The following LINGO2 variants were observed in gnomAD, a reference collection of about 807,000 sequenced individuals.
LINGO2 encodes leucine-rich repeat and immunoglobulin-like domain-containing nogo receptor-interacting protein 2.
A neutral mutation model predicts 30.6 loss-of-function variants in LINGO2; 14 were observed. The observed-to-expected ratio is 0.46, with a 90% CI of 0.30 to 0.72. The LOEUF (loss-of-function observed/expected upper bound fraction) is 0.72, where lower values mean the gene tolerates loss of function less well. LINGO2 is among the 30% of genes least tolerant of loss of function. The pLI, the probability that LINGO2 is intolerant of heterozygous loss-of-function variation, is 0.07. For missense variants in LINGO2, 729 were observed against 751.7 expected (o/e 0.97, Z 0.35); for synonymous variants, 317 against 288.5 (o/e 1.10, Z -1.00).
chr9:28,020,330 A>C (rs1587704268), intron 4 of LINGO2, among the ~76,000 whole-genome samples: 1 of 152,132 alleles, frequency 6.6e-6, no homozygotes, highest in Admixed American at 6.6e-5. Context: ...GGAGTTTGTG[A>C]CCAGCCTAAC....
At position 28,300,651 on chromosome 9, in the gene LINGO2, T is replaced by C. The variant is rs140014647; in HGVS notation, c.-245-5285A>G. Reference sequence around the variant, plus strand: ...CTTCTTTCTACCTTTTCTTCCTTCCTCCATTGTCTTTTTTCTTCCTCCCTT... The same window carrying C: ...CTTCTTTCTACCTTTTCTTCCTTCCCCCATTGTCTTTTTTCTTCCTCCCTT... On this transcript the variant is annotated intron_variant, in intron 3 of 5. Transcript: ENST00000379992. Among the ~76,000 whole-genome samples the C allele has an allele frequency of 1.3e-3, 198 of 152,242 alleles. 3 individuals are homozygous for C. In the East Asian group the frequency reaches 0.024, roughly 19 times the overall value.
At chr9:28,839,107 T>G in the LINGO2 span, among the ~76,000 whole-genome samples, 2 of 152,314 alleles carry the variant, frequency 1.3e-5, no homozygotes, top group East Asian at 1.9e-4. Context: ...CTCAAGGAGC[T>G]TCTAGCTCTG....
At chr9:28,836,442 G>A in the LINGO2 span, among the ~76,000 whole-genome samples, 11 of 152,036 alleles carry the variant, frequency 7.2e-5, no homozygotes, top group Admixed American at 6.6e-4. Context: ...AGCCTCCCAA[G>A]TAGCTAGGAT....
the LINGO2 span, among the ~76,000 whole-genome samples, chr9:29,172,931 A>C: frequency 6.6e-6 from 1 of 151,788 alleles, no homozygotes; most frequent in Non-Finnish European, 1.5e-5. Context: ...CACACACACA[A>C]CACTGTATCA....
chr9:28,370,677 G>C (rs771697586), intron 3 of LINGO2, among the ~76,000 whole-genome samples: 5 of 152,108 alleles, frequency 3.3e-5, no homozygotes, highest in Non-Finnish European at 1.5e-5. Context: ...CAACAGATTG[G>C]TATGAAATGT....
rs186988601 is a variant in LINGO2, at chr9:28,126,065, A to G, written c.-86-113660T>C. 9.2e-5 allele frequency among the ~76,000 whole-genome samples: 14 copies of G among 152,306 alleles called. No individual in the cohort carries two copies. In the East Asian group the frequency reaches 2.5e-3, roughly 27 times the overall value. Reference sequence around the variant, plus strand: ...TACTAAGCAGCTCTGTCATGTTAAAAAGAAAATTTTTGATAAAAGGCCATA... The same window carrying G: ...TACTAAGCAGCTCTGTCATGTTAAAGAGAAAATTTTTGATAAAAGGCCATA... On this transcript the variant is annotated intron_variant, in intron 4 of 5. Coordinates refer to ENST00000379992, the Ensembl canonical transcript of LINGO2.
intron 4 of LINGO2, among the ~76,000 whole-genome samples, chr9:28,281,165 ATG>A (rs1823309640): frequency 6.6e-6 from 1 of 152,128 alleles, no homozygotes; most frequent in Non-Finnish European, 1.5e-5. Flanking sequence ...ACAGGGTGAA[ATG>A]TGTAGACCCC....
the LINGO2 span, among the ~76,000 whole-genome samples, chr9:29,002,072 TTA>T: frequency 6.6e-6 from 1 of 152,024 alleles, no homozygotes; most frequent in African/African-American, 2.4e-5. Flanking sequence ...GCTGCTTGAA[TTA>T]TGTTATTTTT....
intron 2 of LINGO2, among the ~76,000 whole-genome samples, chr9:28,383,885 A>G (rs530616439): frequency 2.0e-5 from 3 of 152,074 alleles, no homozygotes; most frequent in Non-Finnish European, 4.4e-5. Context: ...TGCAGTGCTT[A>G]GGTTTGCATA....
chr9:27,985,937 C>T (rs1821103702), intron 5 of LINGO2, among the ~76,000 whole-genome samples: 1 of 151,852 alleles, frequency 6.6e-6, no homozygotes, highest in African/African-American at 2.4e-5. Flanking sequence ...TTTTCAATTT[C>T]CTCTCCAACC....
intron 4 of LINGO2, among the ~76,000 whole-genome samples, chr9:28,047,923 T>G (rs1284611103): frequency 1.3e-5 from 2 of 150,800 alleles, no homozygotes; most frequent in South Asian, 4.3e-4. Flanking sequence ...TAGTGCAACT[T>G]CAAAGTAGCA....
intron 4 of LINGO2, among the ~76,000 whole-genome samples, chr9:28,101,341 T>C (rs557413753): frequency 6.6e-6 from 1 of 152,248 alleles, no homozygotes; most frequent in South Asian, 2.1e-4. Flanking sequence ...CTATGTATTT[T>C]TACTAACAGA....
intron 3 of LINGO2, among the ~76,000 whole-genome samples, chr9:28,354,472 T>G (rs576341087): frequency 6.6e-6 from 1 of 152,344 alleles, no homozygotes; most frequent in Non-Finnish European, 1.5e-5. Context: ...TAGAACTTCA[T>G]AATTTTTTAT....
chr9:28,240,276 A>T (rs958515661), intron 4 of LINGO2, among the ~76,000 whole-genome samples: 1 of 152,174 alleles, frequency 6.6e-6, no homozygotes, highest in Non-Finnish European at 1.5e-5. Context: ...TAGAAAAAAC[A>T]ATCCTAAAAT....
At chr9:29,132,798 T>G in the LINGO2 span, among the ~76,000 whole-genome samples, 7 of 152,290 alleles carry the variant, frequency 4.6e-5, no homozygotes, top group East Asian at 1.4e-3. Flanking sequence ...GAACCACCAT[T>G]AGCCTAATGC....
intron 5 of LINGO2, among the ~76,000 whole-genome samples, chr9:27,976,798 T>A (rs931617970): frequency 1.3e-5 from 2 of 152,192 alleles, no homozygotes. Context: ...AAATGTTACA[T>A]CCTTCATATT....
chr9:28,694,449 G>A, the LINGO2 span, among the ~76,000 whole-genome samples: 1 of 151,878 alleles, frequency 6.6e-6, no homozygotes, highest in Non-Finnish European at 1.5e-5. Flanking sequence ...TATACTCACT[G>A]CTGTAGCTCA....
At chr9:28,367,602 A>G (rs1179755012) in intron 3 of LINGO2, among the ~76,000 whole-genome samples, 2 of 151,958 alleles carry the variant, frequency 1.3e-5, no homozygotes, top group African/African-American at 4.8e-5. Context: ...GATACTGAGA[A>G]GTCATGGTCT....
the LINGO2 span, among the ~76,000 whole-genome samples, chr9:28,782,263 C>A: frequency 6.6e-6 from 1 of 152,112 alleles, no homozygotes; most frequent in Admixed American, 6.5e-5. Context: ...CAGAAATTTT[C>A]ATTAGAAACT....
Sources: allele counts gnomAD v4.1 joint callset (sites outside exome capture counted in the v4.1 genomes callset), GRCh38; gene constraint gnomAD v4.1.1; transcripts MANE v1.5; gene names NCBI Gene and HGNC (gene_info 2026-07-23, HGNC 2026-07-21).